CCDC178: variants seen among roughly 807,000 people sequenced by gnomAD.
CCDC178 encodes the protein coiled-coil domain containing 178, also known as coiled-coil domain-containing protein 178.
CCDC178 carries 126 observed loss-of-function variants against 117.4 expected under a neutral mutation model. The observed-to-expected ratio is 1.07, with a 90% CI of 0.93 to 1.24. The LOEUF (loss-of-function observed/expected upper bound fraction) is 1.24, where lower values mean the gene tolerates loss of function less well. Among genes scored for constraint, CCDC178 ranks in the 50% most tolerant of loss-of-function variants. CCDC178 has a pLI of 0.00. For synonymous variants in CCDC178, 283 were observed against 313.4 expected, an observed-to-expected ratio of 0.90 and a Z score of 1.02; for missense variants, 1,030 against 986.9, an observed-to-expected ratio of 1.04 and a Z score of -0.59.
At position 33,065,749 on chromosome 18, in the gene CCDC178, C is replaced by G. The variant is rs1326506176; in HGVS notation, c.2388+27012G>C. ...ATCAGACCAACAGCAAATTTTGTAG[C>G]AGATACCTTACAGGCAAGGAGAGAA... On this transcript the variant is annotated intron_variant, in intron 21 of 22. Coordinates refer to ENST00000383096, the MANE Select transcript of CCDC178 (RefSeq NM_001105528.4). 3.3e-5 allele frequency among the ~76,000 whole-genome samples: 5 copies of G among 151,976 alleles called. No homozygotes were observed. In the East Asian group the frequency reaches 9.7e-4, roughly 29 times the overall value.
chr18:33,367,300 A>T (rs1288876943), intron 6 of CCDC178, among the ~76,000 whole-genome samples: 1 of 152,076 alleles, frequency 6.6e-6, no homozygotes, highest in Non-Finnish European at 1.5e-5. Flanking sequence ...TTGCCATTTT[A>T]AATATTTCTT....
rs1266832279 is a variant in CCDC178, at chr18:33,397,202, G to A, written c.65C>T (p.Thr22Ile). 1.4e-5 allele frequency: 22 copies of A among 1,603,572 alleles called. No individual in the cohort carries two copies. The highest frequency in any genetic ancestry group is 1.4e-5 in the Non-Finnish European group (16 of 1,171,748). Residue 22 changes from threonine to isoleucine, a missense_variant, in exon 4 of 23, where the codon ACA (threonine) becomes ATA (isoleucine). Thr to Ile is a moderately conservative substitution (Grantham distance 89). Coordinates refer to ENST00000383096, the MANE Select transcript of CCDC178 (RefSeq NM_001105528.4). ...TRDDQTNIGL[T>I]CQEVKALREK... ...TCTGAGAGCCTTTACTTCCTGACAT[G>A]TTAAACCTATAAAAGGTAAAATAAA... is the stretch of plus-strand genomic sequence containing the variant.
chr18:33,260,539 G>A (rs1331710191), intron 14 of CCDC178, among the ~76,000 whole-genome samples: 1 of 150,566 alleles, frequency 6.6e-6, no homozygotes, highest in East Asian at 1.9e-4. Context: ...CTCAGATATA[G>A]CTATAACAAA....
At chr18:33,069,778 A>T (rs1221997932) in intron 21 of CCDC178, among the ~76,000 whole-genome samples, 1 of 152,126 alleles carries the variant, frequency 6.6e-6, no homozygotes, top group African/African-American at 2.4e-5. Context: ...CAAACTATCC[A>T]ATAAAAGATT....
chr18:33,253,110 C>T (rs925346869), intron 14 of CCDC178, among the ~76,000 whole-genome samples: 6 of 151,740 alleles, frequency 4.0e-5, no homozygotes, highest in Non-Finnish European at 8.8e-5. Flanking sequence ...AATGGATGCT[C>T]ATTGGTTTGA....
intron 21 of CCDC178, among the ~76,000 whole-genome samples, chr18:33,009,226 C>T (rs1171985832): frequency 3.3e-5 from 5 of 152,100 alleles, no homozygotes; most frequent in African/African-American, 7.2e-5. Context: ...CTTCCTCTGT[C>T]TTTGACCACT....
At chr18:33,121,555 T>C (rs1363112816) in intron 20 of CCDC178, among the ~76,000 whole-genome samples, 2 of 152,174 alleles carry the variant, frequency 1.3e-5, no homozygotes, top group Admixed American at 6.6e-5. Context: ...TGAACCCTCA[T>C]AGAGGGGCTA....
intron 12 of CCDC178, among the ~76,000 whole-genome samples, chr18:33,280,680 G>A (rs1422816873): frequency 6.6e-6 from 1 of 152,122 alleles, no homozygotes; most frequent in Non-Finnish European, 1.5e-5. Context: ...ACTATTCACA[G>A]TAGCAAAGAC....
At chr18:33,145,965 T>G (rs1175559604) in intron 20 of CCDC178, among the ~76,000 whole-genome samples, 2 of 152,138 alleles carry the variant, frequency 1.3e-5, no homozygotes, top group Non-Finnish European at 2.9e-5. Flanking sequence ...ATACTATTGA[T>G]TGATATAAGA....
intron 20 of CCDC178, among the ~76,000 whole-genome samples, chr18:33,200,815 G>GT (rs957152938): frequency 6.6e-6 from 1 of 151,960 alleles, no homozygotes. Context: ...GCTTGTGCCT[G>GT]TTTTTTTCAC....
At chr18:33,260,163 T>C (rs1224406720) in intron 14 of CCDC178, among the ~76,000 whole-genome samples, 3 of 152,104 alleles carry the variant, frequency 2.0e-5, no homozygotes, top group Non-Finnish European at 4.4e-5. Flanking sequence ...TTTTGCCTGC[T>C]TCTGAACAAG....
At chr18:33,346,680 T>G (rs2062898891) in intron 8 of CCDC178, among the ~76,000 whole-genome samples, 1 of 152,074 alleles carries the variant, frequency 6.6e-6, no homozygotes, top group Non-Finnish European at 1.5e-5. Context: ...CCATTTTATC[T>G]GAAGGAAAAA....
chr18:33,088,734 C>T (rs2057419375), intron 21 of CCDC178, among the ~76,000 whole-genome samples: 1 of 152,130 alleles, frequency 6.6e-6, no homozygotes, highest in Admixed American at 6.5e-5. Context: ...GTAATTCCTT[C>T]ACAGGCCCAA....
chr18:33,070,603 T>C (rs1461221736), intron 21 of CCDC178, among the ~76,000 whole-genome samples: 1 of 152,026 alleles, frequency 6.6e-6, no homozygotes, highest in Non-Finnish European at 1.5e-5. Context: ...TTTGATAGCA[T>C]GGTAGAGTGA....
intron 6 of CCDC178, among the ~76,000 whole-genome samples, chr18:33,369,075 C>T (rs1599231280): frequency 6.6e-6 from 1 of 151,902 alleles, no homozygotes; most frequent in East Asian, 1.9e-4. Context: ...AGGACACCAT[C>T]AGTCCTGTGA....
At chr18:33,282,001 G>C (rs1280433428) in intron 12 of CCDC178, among the ~76,000 whole-genome samples, 1 of 152,234 alleles carries the variant, frequency 6.6e-6, no homozygotes, top group African/African-American at 2.4e-5. Context: ...GAGGCACTGA[G>C]ACTACTGGCG....
chr18:33,178,364 C>T (rs2058688543), intron 20 of CCDC178, among the ~76,000 whole-genome samples: 1 of 152,094 alleles, frequency 6.6e-6, no homozygotes, highest in Non-Finnish European at 1.5e-5. Context: ...TTATTTATCC[C>T]CATTCTCACT....
At chr18:33,235,227 T>C (rs1047903060) in intron 15 of CCDC178, among the ~76,000 whole-genome samples, 1 of 152,192 alleles carries the variant, frequency 6.6e-6, no homozygotes, top group African/African-American at 2.4e-5. Context: ...ACCAGATTAC[T>C]GTGGACTGGA....
chr18:33,348,299 T>A (rs1340986200), intron 8 of CCDC178, among the ~76,000 whole-genome samples: 4 of 151,816 alleles, frequency 2.6e-5, no homozygotes, highest in Non-Finnish European at 1.5e-5. Flanking sequence ...ACATAAAATC[T>A]CAATAATATA....
Sources: gnomAD v4.1 joint callset for allele counts (sites outside exome capture counted in the v4.1 genomes callset) on GRCh38, gnomAD v4.1.1 for gene constraint, MANE v1.5 for transcripts, NCBI Gene and HGNC (gene_info 2026-07-23, HGNC 2026-07-21) for gene names.